The following ITGB7 variants were observed in gnomAD, a reference collection of about 807,000 sequenced individuals.
The protein encoded by ITGB7 is integrin subunit beta 7.
ITGB7 carries 55 observed loss-of-function variants against 83.4 expected under a neutral mutation model. The observed-to-expected ratio is 0.66, with a 90% CI of 0.53 to 0.83. The LOEUF (loss-of-function observed/expected upper bound fraction) is 0.83. Among genes scored for constraint, ITGB7 ranks in the 40% least tolerant of loss-of-function variants. ITGB7 has a pLI of 0.00. For missense variants in ITGB7, 921 were observed against 1,046.7 expected (o/e 0.88, Z 1.66); for synonymous variants, 454 against 423.6 (o/e 1.07, Z -0.88).
intron 7 of ITGB7, 50 bp from the exon 8 acceptor site, chr12:53,195,771 C>T (rs769286817): frequency 2.1e-6 from 3 of 1,461,056 alleles, no homozygotes; most frequent in African/African-American, 2.8e-5. Context: ...TCCCCCACAA[C>T]ATGCAAGGTG....
rs780540173 is a variant in ITGB7, at chr12:53,196,653, G to A, written c.742C>T (p.Arg248Cys). 1.3e-5 allele frequency: 21 copies of A among 1,611,698 alleles called. No homozygotes were observed. The highest frequency in any genetic ancestry group is 2.2e-5 in the East Asian group (1 of 44,828). ...TCCAGATTGCCGGACACACTCTGGCGCCCCACCTCCCGCTCGAAGGCTTGT... is the reference window on the plus strand; with the variant it reads ...TCCAGATTGCCGGACACACTCTGGCACCCCACCTCCCGCTCGAAGGCTTGT... The part of the protein sequence containing the change: ...DAQAFEREVG[R>C]QSVSGNLDSP... Residue 248 changes from arginine to cysteine, a missense_variant, in exon 6 of 16, where the codon CGC (arginine) becomes TGC (cysteine). Physicochemically the swap from Arg to Cys is radical, Grantham distance 180. Coordinates refer to ENST00000267082, the MANE Select transcript of ITGB7 (RefSeq NM_000889.3).
intron 13 of ITGB7, 39 bp downstream of exon 13, chr12:53,192,652 T>G (rs1247516446): frequency 6.2e-7 from 1 of 1,604,554 alleles, no homozygotes; most frequent in South Asian, 1.1e-5. Context: ...CAAGCCCCAC[T>G]GTGCCCCTGC....
In ITGB7 at chr12:53,197,060, G is replaced by A. The variant is rs188409409; in HGVS notation, c.575-240C>T. 4.4e-4 allele frequency: 253 copies of A among 578,312 alleles called. 3 individuals carry two copies. The East Asian group carries it at 6.2e-3, about 14-fold the overall frequency. The allele number at this position is 578,312 out of a possible 1,614,324, so 35.8% of individuals were successfully genotyped here. A position where few individuals can be genotyped will look rare whatever the true frequency, so the allele number is the denominator to read the frequency against. On this transcript the variant is annotated intron_variant, in intron 5 of 15. Coordinates refer to ENST00000267082, the MANE Select transcript of ITGB7 (RefSeq NM_000889.3). ...GGGCAAATGGGAACTTCCAGAAGGC[G>A]GAAGAAGGCCCGGGTATAGGATATG...
chr12:53,194,985 A>G (rs1942108174), intron 9 of ITGB7: 2 of 213,554 alleles, frequency 9.4e-6, no homozygotes, highest in Non-Finnish European at 1.9e-5. Context: ...GACCTTGGAC[A>G]AGTCACTTAG....
At position 53,196,030 on chromosome 12, in the gene ITGB7, T is replaced by C. The variant is rs759692183; in HGVS notation, c.975+11A>G. On this transcript the variant is annotated intron_variant, in intron 7 of 15. Coordinates refer to ENST00000267082, the MANE Select transcript of ITGB7 (RefSeq NM_000889.3). ...GAAATGGGGAGAGGCAGGGTGACAA[T>C]AGGGACTCACAAACTCTGTGCTGCG... The C allele has an allele frequency of 1.1e-5, 18 of 1,612,544 alleles. No homozygotes were observed. The highest frequency in any genetic ancestry group is 1.0e-4 in the Admixed American group (6 of 59,942).
At chr12:53,198,464 C>A (rs1179244366) in intron 3 of ITGB7, among the ~76,000 whole-genome samples, 1 of 151,510 alleles carries the variant, frequency 6.6e-6, no homozygotes, top group Non-Finnish European at 1.5e-5. Context: ...CTTTTTTGCC[C>A]AGTCTTGTTT....
chr12:53,194,014 T>C (rs1942067302), intron 10 of ITGB7, 113 bp from the exon 11 acceptor site: 1 of 1,311,822 alleles, frequency 7.6e-7, no homozygotes, highest in Admixed American at 2.1e-5. Context: ...GGGGTCATGT[T>C]AACACCCAAC....
At chr12:53,193,923 G>A (rs770201442) in intron 10 of ITGB7, 22 bp from the exon 11 acceptor site, 19 of 1,601,176 alleles carry the variant, frequency 1.2e-5, no homozygotes, top group Non-Finnish European at 2.6e-6. Flanking sequence ...CAGGAATCAG[G>A]CCATGGTTAT....
chr12:53,192,000 C>G lies in ITGB7; in HGVS notation c.2175G>C (p.Gln725His), dbSNP rs746773961. ...CCCCTACGCAGCCCAGCACAATGGCCTGCGTGTGGTCTGCTCCCTCTGTGA... is the reference window on the plus strand; with the variant it reads ...CCCCTACGCAGCCCAGCACAATGGCGTGCGTGTGGTCTGCTCCCTCTGTGA... ...RPQEKGADHT[Q>H]AIVLGCVGGI... The change falls in exon 15 of 16, where the codon CAG (glutamine) becomes CAC (histidine). Residue 725 changes from glutamine (Q) to histidine (H), a missense_variant. By Grantham distance (24) the Gln-to-His change is conservative. Coordinates refer to ENST00000267082, the MANE Select transcript of ITGB7 (RefSeq NM_000889.3). 3.7e-6 allele frequency: 6 copies of G among 1,613,116 alleles called. No homozygotes were observed. The highest frequency in any genetic ancestry group is 3.4e-6 in the Non-Finnish European group (4 of 1,179,892).
Position 53,196,730 on chromosome 12 carries a change from C to T in ITGB7, c.665G>A (p.Arg222His), listed in dbSNP as rs755050035. 79 of 1,613,106 alleles carry T rather than the reference C, an allele frequency of 4.9e-5. No homozygotes were observed. The Admixed American group carries it at 1.0e-3, about 21-fold the overall frequency. Residue 222 changes from arginine to histidine, a missense_variant, in exon 6 of 16, where the codon CGC becomes CAC. Physicochemically the swap from Arg to His is conservative, Grantham distance 29. Coordinates refer to ENST00000267082, the MANE Select transcript of ITGB7 (RefSeq NM_000889.3). ...LRHPCPTRLE[R>H]CQSPFSFHHV... ...GTGAAAGCTGAATGGTGACTGGCAGCGCTCCAGCCGGGTGGGGCAGGGGTG... is the reference window on the plus strand; with the variant it reads ...GTGAAAGCTGAATGGTGACTGGCAGTGCTCCAGCCGGGTGGGGCAGGGGTG...
intron 8 of ITGB7, 23 bp downstream of exon 8, chr12:53,195,603 T>A (rs1044639535): frequency 1.3e-6 from 2 of 1,595,906 alleles, no homozygotes; most frequent in South Asian, 1.1e-5. Flanking sequence ...GGCTGGGGGA[T>A]CTGACATGTA....
rs1942206025 is a variant in ITGB7 at position 53,197,499 on chromosome 12, G to C, written c.568C>G (p.Arg190Gly). The change falls in exon 5 of 16, where the codon CGC (arginine) becomes GGC (glycine). Residue 190 changes from arginine (R) to glycine (G), a missense_variant. Transcript: ENST00000267082. Reference protein sequence around the residue: ...VRLQEVTHSVRIGFGSFVDKT... With the variant: ...VRLQEVTHSVGIGFGSFVDKT... ...GAGGCAGCGCTCGGCTCACCAATGCGCACAGAATGGGTGACTTCCTGCAGC... is the reference window on the plus strand; with the variant it reads ...GAGGCAGCGCTCGGCTCACCAATGCCCACAGAATGGGTGACTTCCTGCAGC... 1 of 1,614,162 alleles carries C rather than the reference G, an allele frequency of 6.2e-7. No individual in the cohort carries two copies. Among genetic ancestry groups the C allele is most frequent in the Middle Eastern group, 1.6e-4 (1 of 6,062 alleles).
chr12:53,194,053 C>T (rs1233709300), intron 10 of ITGB7, 145 bp downstream of exon 10: 13 of 1,363,040 alleles, frequency 9.5e-6, no homozygotes, highest in Non-Finnish European at 1.1e-5. Context: ...GGAAGCCACT[C>T]AGACTGCTCC....
At chr12:53,194,114 C>T (rs1202845357) in intron 10 of ITGB7, 84 bp downstream of exon 10, 3 of 1,577,122 alleles carry the variant, frequency 1.9e-6, no homozygotes, top group Non-Finnish European at 2.6e-6. Flanking sequence ...CTCCCTGTAC[C>T]TGCCACCCAT....
chr12:53,196,015 G>GA, intron 7 of ITGB7, 26 bp downstream of exon 7: 1 of 1,609,758 alleles, frequency 6.2e-7, no homozygotes, highest in African/African-American at 1.3e-5. Flanking sequence ...GAAATGGGGA[G>GA]AGGCAGGGTG....
rs61730605 is a variant in ITGB7 at position 53,193,802 on chromosome 12, A to G, written c.1408T>C (p.Leu470=). 895 of 1,613,780 alleles carry G rather than the reference A, an allele frequency of 5.5e-4. 4 individuals carry two copies. The African/African-American group carries it at 0.011, about 19-fold the overall frequency. ...LGFSEELIVE[L]HTLCDCNCSD... Reference sequence around the variant, plus strand: ...CAATTACAGTCACACAGCGTGTGCAACTCCACAATCAGCTCCTCTGAGAAG... The same window carrying G: ...CAATTACAGTCACACAGCGTGTGCAGCTCCACAATCAGCTCCTCTGAGAAG... Residue 470 remains leucine, a synonymous_variant, in exon 11 of 16, where the codon TTG becomes CTG. Transcript: ENST00000267082.
Position 53,197,524 on chromosome 12 carries a change from C to A in ITGB7, c.543G>T (p.Arg181=). Residue 181 remains arginine, a synonymous_variant, in exon 5 of 16, where the codon CGG becomes CGT. Coordinates refer to ENST00000267082, the MANE Select transcript of ITGB7 (RefSeq NM_000889.3). ...GCACAGAATGGGTGACTTCCTGCAG[C>A]CGGACCAGCAGAGCGTGCCCGAGCT... ...VRQLGHALLV[R]LQEVTHSVRI... The A allele has an allele frequency of 6.2e-7, 1 of 1,614,184 alleles. No homozygotes were observed.
chr12:53,194,547 T>G, intron 9 of ITGB7: 1 of 533,262 alleles, frequency 1.9e-6, no homozygotes, highest in Non-Finnish European at 3.4e-6. Context: ...CAGAGGCCTC[T>G]AATACAGCAT....
At chr12:53,198,294 T>G (rs1342145664) in intron 3 of ITGB7, among the ~76,000 whole-genome samples, 1 of 152,008 alleles carries the variant, frequency 6.6e-6, no homozygotes, top group Non-Finnish European at 1.5e-5. Flanking sequence ...ACGCCCAGGT[T>G]TTTTGTATTT....
Sources: gnomAD v4.1 joint callset for allele counts (sites outside exome capture counted in the v4.1 genomes callset) on GRCh38, gnomAD v4.1.1 for gene constraint, MANE v1.5 for transcripts, NCBI Gene and HGNC (gene_info 2026-07-23, HGNC 2026-07-21) for gene names.